The following CFAP43 variants were observed in gnomAD, a reference collection of about 807,000 sequenced individuals.
CFAP43 encodes cilia- and flagella-associated protein 43.
Under a neutral mutation model 218.9 loss-of-function variants are expected in CFAP43, and 155 were observed. That is an observed-to-expected ratio of 0.71 (90% confidence interval 0.62 to 0.81). CFAP43 has a LOEUF of 0.81. CFAP43 is among the 30% of genes least tolerant of loss of function. The pLI, the probability that CFAP43 is intolerant of heterozygous loss-of-function variation, is 0.00. For missense variants in CFAP43, 1,778 were observed against 1,954.3 expected (o/e 0.91, Z 1.70); for synonymous variants, 645 against 681.3 (o/e 0.95, Z 0.83).
chr10:104,196,016 A>G (rs1488718879), intron 10 of CFAP43, among the ~76,000 whole-genome samples: 2 of 152,228 alleles, frequency 1.3e-5, no homozygotes, highest in African/African-American at 4.8e-5. Flanking sequence ...AAGACATTGC[A>G]AGACATTTAC....
intron 31 of CFAP43, among the ~76,000 whole-genome samples, chr10:104,144,646 C>T (rs2134755923): frequency 6.6e-6 from 1 of 151,948 alleles, no homozygotes; most frequent in Non-Finnish European, 1.5e-5. Context: ...GAGACTCCGT[C>T]TCAAAAAAAA....
At position 104,188,430 on chromosome 10, in the gene CFAP43, A is replaced by C. The variant is rs199569624; in HGVS notation, c.1547-20T>G. The C allele has an allele frequency of 1.1e-4, 182 of 1,596,602 alleles. 2 individuals are homozygous for C. In the Middle Eastern group the frequency reaches 6.1e-3, roughly 53 times the overall value. ...CCACCTCTGAAAGCAAACAGAGATC[A>C]ACACCACAAGTGGTCATTGATAAGT... On this transcript the variant is annotated intron_variant, in intron 12 of 37. Coordinates refer to ENST00000357060, the MANE Select transcript of CFAP43 (RefSeq NM_025145.7).
In CFAP43 at chr10:104,166,536, C is replaced by T. The variant is rs754775252; in HGVS notation, c.2991G>A (p.Leu997=). The change falls in exon 23 of 38, where the codon TTG becomes TTA. Residue 997 remains leucine, a synonymous_variant. Coordinates refer to ENST00000357060, the MANE Select transcript of CFAP43 (RefSeq NM_025145.7). ...GVDTSLLSSQ[L]ELHSREEKIN... Reference sequence around the variant, plus strand: ...TTTTCTCTTCTCTGGAATGAAGCTCCAATTGGCTTGACAATAAAGAGGTAT... The same window carrying T: ...TTTTCTCTTCTCTGGAATGAAGCTCTAATTGGCTTGACAATAAAGAGGTAT... The T allele has an allele frequency of 1.5e-5, 24 of 1,613,778 alleles. No homozygotes were observed. The East Asian group carries it at 4.7e-4, about 31-fold the overall frequency.
intron 12 of CFAP43, among the ~76,000 whole-genome samples, chr10:104,188,747 C>G (rs1240903087): frequency 6.6e-6 from 1 of 152,166 alleles, no homozygotes; most frequent in African/African-American, 2.4e-5. Flanking sequence ...CACAAGTCCA[C>G]TCCAGCCAGG....
intron 28 of CFAP43, among the ~76,000 whole-genome samples, chr10:104,151,096 A>AT (rs2088233058): frequency 6.6e-6 from 1 of 152,226 alleles, no homozygotes; most frequent in South Asian, 2.1e-4. Flanking sequence ...ATGGCTGCAC[A>AT]GTATTCCATG....
Position 104,147,606 on chromosome 10 carries a change from T to C in CFAP43, c.3768+285A>G, listed in dbSNP as rs149600011. Among the ~76,000 whole-genome samples the C allele has an allele frequency of 4.7e-3, 711 of 152,324 alleles. 20 individuals carry two copies. The highest frequency in any genetic ancestry group is 4.0e-3 in the East Asian group (21 of 5,186). On this transcript the variant is annotated intron_variant, in intron 29 of 37. Coordinates refer to ENST00000357060, the MANE Select transcript of CFAP43 (RefSeq NM_025145.7). ...GTCCCACAGCCAGTGCTTTCAACCA[T>C]GAAGCTATATGGCCTCATTTTATAA...
chr10:104,144,317 G>A (rs2087850488), intron 31 of CFAP43, among the ~76,000 whole-genome samples: 1 of 152,162 alleles, frequency 6.6e-6, no homozygotes, highest in Admixed American at 6.6e-5. Context: ...TCCACAAGGA[G>A]AAGGTATGTA....
rs35761606 is a variant in CFAP43, at chr10:104,172,399, CT to C, written c.2586+10del. Reference sequence around the variant, plus strand: ...ATAACTTTATGGTGCTTAAATTATACTTTTTCATACCTTTGCCACTTCTTCC... The same window carrying C: ...ATAACTTTATGGTGCTTAAATTATACTTTTCATACCTTTGCCACTTCTTCC... On this transcript the variant is annotated intron_variant, in intron 20 of 37. Coordinates refer to ENST00000357060, the MANE Select transcript of CFAP43 (RefSeq NM_025145.7). The C allele has an allele frequency of 0.1, 159,917 of 1,603,494 alleles. 8,520 individuals are homozygous for C. The highest frequency in any genetic ancestry group is 0.16 in the Middle Eastern group (977 of 6,042).
At position 104,193,854 on chromosome 10, in the gene CFAP43, GA is replaced by G. The variant is rs759935014; in HGVS notation, c.1442+11del. The G allele has an allele frequency of 6.2e-7, 1 of 1,612,578 alleles. No individual in the cohort carries two copies. The highest frequency in any genetic ancestry group is 1.7e-5 in the Admixed American group (1 of 59,858). On this transcript the variant is annotated intron_variant, in intron 11 of 37. Transcript: ENST00000357060. ...TGACACGGAGCCGCTCCTGGAGGCA[GA>G]AAGGACTTACACGACGTGCTGCACG...
At chr10:104,231,996 A>T (rs1447858798) in intron 1 of CFAP43, among the ~76,000 whole-genome samples, 186 bp downstream of exon 1, 1 of 142,594 alleles carries the variant, frequency 7.0e-6, no homozygotes, top group East Asian at 2.4e-4. Flanking sequence ...GAACAAGGGG[A>T]TGGGGAGCGG....
In CFAP43 at chr10:104,152,724, T is replaced by C. The variant is rs1209946722; in HGVS notation, c.3543A>G (p.Ser1181=). The C allele has an allele frequency of 6.2e-7, 1 of 1,607,418 alleles. No individual in the cohort carries two copies. The highest frequency in any genetic ancestry group is 1.7e-5 in the Admixed American group (1 of 58,092). ...GAAGTTTCTTCAGTTCTGCTTCTAA[T>C]GACTAAAAGGAAAACAATAGTAAAG... ...LNEERDKYRK[S]LEAELKKLQN... The change falls in exon 28 of 38, where the codon TCA becomes TCG. Residue 1181 remains serine (S), a splice_region_variant and synonymous_variant. Coordinates refer to ENST00000357060, the MANE Select transcript of CFAP43 (RefSeq NM_025145.7).
At chr10:104,130,332 C>G in intron 37 of CFAP43, 27 bp from the exon 38 acceptor site, 1 of 1,589,300 alleles carries the variant, frequency 6.3e-7, no homozygotes, top group Non-Finnish European at 8.5e-7. Flanking sequence ...TAAAGGAATT[C>G]GATTATTTAT....
At chr10:104,130,340 T>A in intron 37 of CFAP43, 35 bp from the exon 38 acceptor site, 1 of 1,583,486 alleles carries the variant, frequency 6.3e-7, no homozygotes, top group Non-Finnish European at 8.5e-7. Flanking sequence ...TTCGATTATT[T>A]ATCAATACTT....
intron 22 of CFAP43, 41 bp downstream of exon 22, chr10:104,167,580 G>T: frequency 6.9e-7 from 1 of 1,456,032 alleles, no homozygotes; most frequent in Non-Finnish European, 9.3e-7. Context: ...CTAAAATAAA[G>T]CACATCACTT....
chr10:104,147,916 T>G lies in CFAP43; in HGVS notation c.3743A>C (p.Tyr1248Ser). Residue 1248 changes from tyrosine (Y) to serine (S), a missense_variant, in exon 29 of 38, where the codon TAC becomes TCC. Transcript: ENST00000357060. The part of the protein sequence containing the change: ...LSSREKFLNN[Y>S]LTRKQHEKSQ... ...TTTCTCGTGCTGTTTCCTTGTAAGG[T>G]AGTTGTTCAGGAATTTTTCTCTAGA... The G allele has an allele frequency of 1.9e-6, 3 of 1,600,550 alleles. No individual in the cohort carries two copies. The highest frequency in any genetic ancestry group is 8.5e-7 in the Non-Finnish European group (1 of 1,173,954).
Position 104,145,157 on chromosome 10 carries a change from C to CTG in CFAP43, c.3944+317_3944+318dup, listed in dbSNP as rs2087901344. Among the ~76,000 whole-genome samples the CTG allele has an allele frequency of 4.6e-5, 7 of 152,352 alleles. No individual in the cohort carries two copies. The South Asian group carries it at 1.2e-3, about 27-fold the overall frequency. On this transcript the variant is annotated intron_variant, in intron 31 of 37. Transcript: ENST00000357060. Reference sequence around the variant, plus strand: ...TTGTTTGAACGCACTTTAGAAAAAACTGTTTTTAAATCTGTGTGCCATCTA... The same window carrying CTG: ...TTGTTTGAACGCACTTTAGAAAAAACTGTGTTTTTAAATCTGTGTGCCATCTA...
chr10:104,153,714 T>C (rs2088390436), intron 27 of CFAP43, among the ~76,000 whole-genome samples: 1 of 152,186 alleles, frequency 6.6e-6, no homozygotes, highest in Admixed American at 6.5e-5. Flanking sequence ...ATATACCTTT[T>C]TCAAAGTCAC....
At chr10:104,181,832 G>T (rs754960618) in intron 17 of CFAP43, among the ~76,000 whole-genome samples, 4 of 152,136 alleles carry the variant, frequency 2.6e-5, no homozygotes, top group Non-Finnish European at 5.9e-5. Flanking sequence ...TCACTGAATA[G>T]AACTTGTTAC....
intron 3 of CFAP43, among the ~76,000 whole-genome samples, chr10:104,220,936 CTATA>C (rs1035758430): frequency 1.3e-5 from 2 of 150,096 alleles, no homozygotes; most frequent in African/African-American, 5.0e-5. Context: ...TTTTCTAACT[CTATA>C]TGAGTGAGCG....
Sources: allele counts gnomAD v4.1 joint callset (sites outside exome capture counted in the v4.1 genomes callset), GRCh38; gene constraint gnomAD v4.1.1; transcripts MANE v1.5; gene names NCBI Gene and HGNC (gene_info 2026-07-23, HGNC 2026-07-21).